EHBP1: variants seen among roughly 807,000 people sequenced by gnomAD.
EHBP1 encodes the protein EH domain binding protein 1.
EHBP1 carries 55 observed loss-of-function variants against 144.0 expected under a neutral mutation model. The observed-to-expected ratio is 0.38, with a 90% CI of 0.31 to 0.48. The LOEUF (loss-of-function observed/expected upper bound fraction) is 0.48, where lower values mean the gene tolerates loss of function less well. Ranked by LOEUF, EHBP1 falls within the 20% of genes least tolerant of loss-of-function variation. The pLI is 0.98. For synonymous variants in EHBP1, 469 were observed against 472.7 expected (o/e 0.99, Z 0.10); for missense variants, 1,200 against 1,364.2 (o/e 0.88, Z 1.90).
intron 1 of EHBP1, among the ~76,000 whole-genome samples, chr2:62,681,371 A>C (rs1418763679): frequency 9.9e-6 from 1 of 100,530 alleles, no homozygotes; most frequent in Non-Finnish European, 2.1e-5. Context: ...ATGTGTATAT[A>C]TGTATAAATA....
chr2:62,951,536 G>A (rs1348648999), intron 13 of EHBP1, among the ~76,000 whole-genome samples: 10 of 118,696 alleles, frequency 8.4e-5, no homozygotes, highest in South Asian at 5.5e-4. Context: ...TTTTTTTTTG[G>A]GGGGGGGGGG....
chr2:62,887,562 A>C (rs2052038579), intron 10 of EHBP1, among the ~76,000 whole-genome samples: 1 of 148,726 alleles, frequency 6.7e-6, no homozygotes, highest in Non-Finnish European at 1.5e-5. Flanking sequence ...ATATAGTGAG[A>C]TAGGTCTCCA....
chr2:62,959,750 G>C (rs2057904582), intron 14 of EHBP1, among the ~76,000 whole-genome samples: 1 of 152,126 alleles, frequency 6.6e-6, no homozygotes, highest in Non-Finnish European at 1.5e-5. Context: ...TTGGTGAGGG[G>C]TGGCTAATGA....
chr2:62,724,148 T>C (rs2036518169), intron 2 of EHBP1, among the ~76,000 whole-genome samples: 1 of 152,218 alleles, frequency 6.6e-6, no homozygotes, highest in African/African-American at 2.4e-5. Flanking sequence ...AATCCCATAT[T>C]TCTCAGAGGT....
rs1157397512 is a variant in EHBP1 at position 62,957,641 on chromosome 2, C to CTTTTTTTTTTTTTTTTTTTTTT, written c.2460+1982_2460+2003dup. ...TAAAATTAATATTTGAAAATAAATG[C>CTTTTTTTTTTTTTTTTTTTTTT]TTTTTTTTTTTTTTTTTTTTTTGAG... On this transcript the variant is annotated intron_variant, in intron 14 of 22. Transcript: ENST00000431489. Among the ~76,000 whole-genome samples the CTTTTTTTTTTTTTTTTTTTTTT allele has an allele frequency of 9.2e-5, 8 of 87,172 alleles. 2 individuals are homozygous for CTTTTTTTTTTTTTTTTTTTTTT. Among genetic ancestry groups the CTTTTTTTTTTTTTTTTTTTTTT allele is most frequent in the African/African-American group, 4.1e-4 (8 of 19,486 alleles). The allele number at this position is 87,172 out of a possible 152,430, so 57.2% of individuals were successfully genotyped here.
intron 10 of EHBP1, chr2:62,940,241 A>G: frequency 3.5e-6 from 1 of 283,638 alleles, no homozygotes. Context: ...TTATTCGGTC[A>G]GTATTGAGCC....
At chr2:62,826,647 A>G (rs939748205) in intron 6 of EHBP1, 7 of 154,774 alleles carry the variant, frequency 4.5e-5, no homozygotes, top group African/African-American at 1.7e-4. Context: ...TTTAGGATAA[A>G]AGGGATGAAA....
Position 62,757,308 on chromosome 2 carries a change from A to G in EHBP1, c.163-6958A>G, listed in dbSNP as rs568518672. ...CTGGGCTAATTTTTTGTTTTTTTGT[A>G]GAGATGGGATTTACCATGTTGCGCA... is the stretch of plus-strand genomic sequence containing the variant. On this transcript the variant is annotated intron_variant, in intron 3 of 22. Transcript: ENST00000431489. Among the ~76,000 whole-genome samples the G allele has an allele frequency of 2.0e-5, 3 of 151,804 alleles. No individual in the cohort carries two copies. In the East Asian group the frequency reaches 5.8e-4, roughly 29 times the overall value.
chr2:62,983,989 T>A (rs1189977973), intron 15 of EHBP1, among the ~76,000 whole-genome samples: 2 of 152,254 alleles, frequency 1.3e-5, no homozygotes, highest in Non-Finnish European at 2.9e-5. Flanking sequence ...GCTGAAATAA[T>A]ATCTTAGGTC....
At chr2:62,702,948 C>T (rs553241720), upstream of EHBP1, among the ~76,000 whole-genome samples, 23 of 152,306 alleles carry the variant, frequency 1.5e-4, no homozygotes, top group African/African-American at 4.8e-4. Flanking sequence ...TTAAGTAACT[C>T]GTGTTACTTT....
At chr2:62,904,861 T>C (rs1411149395) in intron 10 of EHBP1, among the ~76,000 whole-genome samples, 1 of 152,186 alleles carries the variant, frequency 6.6e-6, no homozygotes, top group African/African-American at 2.4e-5. Flanking sequence ...TCTTACCATA[T>C]GCTAGGAAAT....
intron 5 of EHBP1, among the ~76,000 whole-genome samples, chr2:62,818,959 T>C (rs2045661934): frequency 2.0e-5 from 3 of 152,184 alleles, no homozygotes; most frequent in African/African-American, 4.8e-5. Context: ...GGAGAAAATA[T>C]TTAAACTCAC....
At chr2:62,863,778 G>A (rs911207847) in intron 8 of EHBP1, among the ~76,000 whole-genome samples, 3 of 147,244 alleles carry the variant, frequency 2.0e-5, no homozygotes, top group African/African-American at 2.5e-5. Context: ...CATTTCAAAA[G>A]TGAATCAATT....
At chr2:62,815,725 A>G (rs544423909) in intron 5 of EHBP1, among the ~76,000 whole-genome samples, 1 of 152,332 alleles carries the variant, frequency 6.6e-6, no homozygotes, top group South Asian at 2.1e-4. Context: ...ACAAAGTTTG[A>G]GCTTTCAATT....
chr2:62,916,466 G>A (rs535938429), intron 10 of EHBP1, among the ~76,000 whole-genome samples: 2 of 151,678 alleles, frequency 1.3e-5, no homozygotes, highest in African/African-American at 4.8e-5. Context: ...GGTGGTGCAC[G>A]CCTGTAATCC....
intron 5 of EHBP1, among the ~76,000 whole-genome samples, chr2:62,796,959 A>G (rs2043581719): frequency 6.6e-6 from 1 of 152,070 alleles, no homozygotes; most frequent in Admixed American, 6.6e-5. Flanking sequence ...AACCCAATGA[A>G]TAAAAGTACA....
chr2:62,855,351 A>G (rs956892750), intron 7 of EHBP1, among the ~76,000 whole-genome samples: 3 of 152,152 alleles, frequency 2.0e-5, no homozygotes, highest in Non-Finnish European at 2.9e-5. Context: ...CGATGAGCAT[A>G]GGAGGGGAGC....
At chr2:62,803,506 TATC>T (rs2044201504) in intron 5 of EHBP1, among the ~76,000 whole-genome samples, 2 of 152,232 alleles carry the variant, frequency 1.3e-5, no homozygotes, top group Admixed American at 6.5e-5. Flanking sequence ...CTAATCATTA[TATC>T]ATCATTATAT....
intron 7 of EHBP1, among the ~76,000 whole-genome samples, chr2:62,854,940 G>A (rs1027411540): frequency 2.0e-5 from 3 of 152,096 alleles, no homozygotes; most frequent in Admixed American, 1.3e-4. Context: ...GCAGACCCAG[G>A]TACCCCTCTA....
Sources: gnomAD v4.1 joint callset for allele counts (sites outside exome capture counted in the v4.1 genomes callset) on GRCh38, gnomAD v4.1.1 for gene constraint, MANE v1.5 for transcripts, NCBI Gene and HGNC (gene_info 2026-07-23, HGNC 2026-07-21) for gene names.